ZRANB1: variants seen among roughly 807,000 people sequenced by gnomAD.
The protein encoded by ZRANB1 is zinc finger RANBP2-type containing 1.
In ZRANB1, 16 loss-of-function variants were observed where a neutral mutation model predicts 80.5. That is an observed-to-expected ratio of 0.20 (90% confidence interval 0.13 to 0.30). The LOEUF is 0.30. Ranked by LOEUF, ZRANB1 falls within the 10% of genes least tolerant of loss-of-function variation. ZRANB1 has a pLI of 1.00. For missense variants in ZRANB1, 576 were observed against 862.6 expected (o/e 0.67, Z 4.16); for synonymous variants, 291 against 293.1 (o/e 0.99, Z 0.07).
the ZRANB1 span, among the ~76,000 whole-genome samples, chr10:124,932,594 A>G: frequency 1.3e-5 from 2 of 151,978 alleles, no homozygotes; most frequent in African/African-American, 2.4e-5. Context: ...CCCACCAGCA[A>G]TGAATGAGAG....
chr10:124,943,466 C>T (rs1223069758), intron 1 of ZRANB1, among the ~76,000 whole-genome samples, 159 bp downstream of exon 1: 1 of 152,106 alleles, frequency 6.6e-6, no homozygotes, highest in African/African-American at 2.4e-5. Flanking sequence ...CTGTGAATAG[C>T]ACTTGCACTC....
chr10:124,918,523 A>G, the ZRANB1 span, among the ~76,000 whole-genome samples: 1 of 152,280 alleles, frequency 6.6e-6, no homozygotes, highest in East Asian at 1.9e-4. Flanking sequence ...CCTATTATAT[A>G]ATGAGTTATT....
intron 1 of ZRANB1, among the ~76,000 whole-genome samples, chr10:124,957,811 C>T (rs1240502272): frequency 6.6e-6 from 1 of 152,048 alleles, no homozygotes; most frequent in Non-Finnish European, 1.5e-5. Flanking sequence ...GCTGCACCCT[C>T]TGCCTCCCAG....
rs1952002376 is a variant in ZRANB1 at position 124,985,026 on chromosome 10, C to A, written c.*34C>A. 6.6e-7 allele frequency: 1 copy of A among 1,517,422 alleles called. No homozygotes were observed. Among genetic ancestry groups the A allele is most frequent in the Non-Finnish European group, 9.0e-7 (1 of 1,109,262 alleles). 94.0% of individuals were successfully genotyped at this position (1,517,422 alleles called of 1,614,324 possible). ...ATCAAACAGCAGAAGACCAAGGCATCAGATCTGTAATGACCCTAAAGTTAG... is the reference window on the plus strand; with the variant it reads ...ATCAAACAGCAGAAGACCAAGGCATAAGATCTGTAATGACCCTAAAGTTAG... On this transcript the variant is annotated 3_prime_UTR_variant, in exon 9 of 9. Coordinates refer to ENST00000359653, the MANE Select transcript of ZRANB1 (RefSeq NM_017580.3).
the ZRANB1 span, among the ~76,000 whole-genome samples, chr10:124,936,636 AGAAG>A: frequency 6.6e-6 from 1 of 152,206 alleles, no homozygotes; most frequent in South Asian, 2.1e-4. Flanking sequence ...ACTATTGCGA[AGAAG>A]ACAGTGATGA....
rs1251612582 is a variant in ZRANB1, at chr10:124,955,034, C to A, written c.815-11560C>A. The stretch of plus-strand genomic sequence containing the variant: ...GTCCCAGCTACTCTGGAGGCCGAGG[C>A]AGGAGAATGGCGTGAACCCGGGAGG... On this transcript the variant is annotated intron_variant, in intron 1 of 8. Transcript: ENST00000359653. Among the ~76,000 whole-genome samples the A allele has an allele frequency of 2.0e-5, 3 of 151,006 alleles. No homozygotes were observed. The East Asian group carries it at 6.4e-4, about 32-fold the overall frequency.
At position 124,974,190 on chromosome 10, in the gene ZRANB1, C is replaced by A; in HGVS notation, c.1229-10C>A. 6.2e-7 allele frequency: 1 copy of A among 1,613,718 alleles called. No homozygotes were observed. The highest frequency in any genetic ancestry group is 8.5e-7 in the Non-Finnish European group (1 of 1,179,614). ...ATGGAAATGAACATGTATTTAAATC[C>A]ATCGTACAGAATTAGAAGAAGAATC... is the stretch of plus-strand genomic sequence containing the variant. On this transcript the variant is annotated splice_polypyrimidine_tract_variant and intron_variant, in intron 4 of 8. Coordinates refer to ENST00000359653, the MANE Select transcript of ZRANB1 (RefSeq NM_017580.3).
At chr10:124,960,776 A>C (rs1290823588) in intron 1 of ZRANB1, among the ~76,000 whole-genome samples, 1 of 152,200 alleles carries the variant, frequency 6.6e-6, no homozygotes, top group Non-Finnish European at 1.5e-5. Context: ...AAGGTGGGCT[A>C]GACTATTCAG....
At position 124,971,982 on chromosome 10, in the gene ZRANB1, A is replaced by G. The variant is rs1206540269; in HGVS notation, c.1020A>G (p.Ala340=). 1 of 1,601,496 alleles carries G rather than the reference A, an allele frequency of 6.2e-7. No homozygotes were observed. Among genetic ancestry groups the G allele is most frequent in the Admixed American group, 1.7e-5 (1 of 58,152 alleles). ...TATTTAAGGTGTCTCAACAAGCAGC[A>G]AAGTGTATTCCAGCAATGGTGTGTC... ...ILLTEVSQQA[A]KCIPAMVCPE... Residue 340 remains alanine, a synonymous_variant, in exon 3 of 9, where the codon GCA becomes GCG. Transcript: ENST00000359653.
chr10:124,934,403 T>A, the ZRANB1 span, among the ~76,000 whole-genome samples: 24 of 152,208 alleles, frequency 1.6e-4, no homozygotes, highest in Non-Finnish European at 1.5e-5. Flanking sequence ...TCACACTAAT[T>A]TAGGACTTTT....
the ZRANB1 span, among the ~76,000 whole-genome samples, chr10:124,935,787 G>A: frequency 6.6e-6 from 1 of 152,122 alleles, no homozygotes; most frequent in African/African-American, 2.4e-5. Flanking sequence ...ACAAGGTGCT[G>A]GTCTACCTTC....
intron 1 of ZRANB1, among the ~76,000 whole-genome samples, chr10:124,944,085 A>T (rs1397640516): frequency 1.3e-5 from 2 of 152,232 alleles, no homozygotes; most frequent in Non-Finnish European, 2.9e-5. Context: ...AAATGCTGTT[A>T]AAGGACAGAG....
At chr10:124,932,101 T>C in the ZRANB1 span, among the ~76,000 whole-genome samples, 1 of 152,296 alleles carries the variant, frequency 6.6e-6, no homozygotes, top group East Asian at 1.9e-4. Context: ...CACTTAGTAG[T>C]ATGCATTTAA....
chr10:124,919,268 G>C, the ZRANB1 span, among the ~76,000 whole-genome samples: 1 of 152,078 alleles, frequency 6.6e-6, no homozygotes, highest in South Asian at 2.1e-4. Context: ...TCCACTGGCC[G>C]GGCCCGTGGC....
At chr10:124,962,963 GTAC>G (rs898200824) in intron 1 of ZRANB1, among the ~76,000 whole-genome samples, 4 of 152,062 alleles carry the variant, frequency 2.6e-5, no homozygotes, top group Non-Finnish European at 5.9e-5. Context: ...TTCAAAAAAA[GTAC>G]TAAGAGAAAG....
At chr10:124,925,181 A>G in the ZRANB1 span, among the ~76,000 whole-genome samples, 2 of 152,242 alleles carry the variant, frequency 1.3e-5, no homozygotes, top group African/African-American at 4.8e-5. Context: ...AAATGCTGGG[A>G]TTACAGGCGT....
intron 5 of ZRANB1, among the ~76,000 whole-genome samples, chr10:124,974,815 T>C (rs1295582728): frequency 6.6e-6 from 1 of 152,198 alleles, no homozygotes; most frequent in Non-Finnish European, 1.5e-5. Context: ...GATCCATCGA[T>C]GGAAGCAGGG....
At chr10:124,963,537 GTT>G (rs371266873) in intron 1 of ZRANB1, among the ~76,000 whole-genome samples, 6 of 93,472 alleles carry the variant, frequency 6.4e-5, no homozygotes, top group Admixed American at 2.3e-4. Flanking sequence ...ATATTGTAAG[GTT>G]TTTTTTTTTT....
chr10:124,979,390 T>C (rs551397089), intron 5 of ZRANB1, among the ~76,000 whole-genome samples: 7 of 152,254 alleles, frequency 4.6e-5, no homozygotes, highest in Admixed American at 4.6e-4. Flanking sequence ...TGTCTTAATA[T>C]TGATTTGCAG....
Sources: gnomAD v4.1 joint callset for allele counts (sites outside exome capture counted in the v4.1 genomes callset) on GRCh38, gnomAD v4.1.1 for gene constraint, MANE v1.5 for transcripts, NCBI Gene and HGNC (gene_info 2026-07-23, HGNC 2026-07-21) for gene names.